The following MYRIP variants were observed in gnomAD, a reference collection of about 807,000 sequenced individuals.
MYRIP encodes myosin VIIA and Rab interacting protein, also known as rab effector MyRIP.
MYRIP carries 49 observed loss-of-function variants against 98.0 expected under a neutral mutation model. That is an observed-to-expected ratio of 0.50 (90% CI 0.40 to 0.63). The LOEUF (loss-of-function observed/expected upper bound fraction) is 0.63, where lower values mean the gene tolerates loss of function less well. Among genes scored for constraint, MYRIP ranks in the 30% least tolerant of loss-of-function variants. The probability of loss-of-function intolerance (pLI) is 0.00; values close to 1 mark genes in which losing one functional copy is unlikely to be tolerated. For synonymous variants in MYRIP, 404 were observed against 409.5 expected, an observed-to-expected ratio of 0.99 and a Z score of 0.16; for missense variants, 1,004 against 1,058.2, an observed-to-expected ratio of 0.95 and a Z score of 0.71.
intron 2 of MYRIP, among the ~76,000 whole-genome samples, chr3:39,997,662 G>C (rs1183266417): frequency 6.6e-6 from 1 of 152,100 alleles, no homozygotes; most frequent in Admixed American, 6.5e-5. Flanking sequence ...GAAAAAGAGG[G>C]AATCCTCCCT....
At chr3:40,065,280 A>G (rs1193439104) in intron 3 of MYRIP, among the ~76,000 whole-genome samples, 1 of 152,152 alleles carries the variant, frequency 6.6e-6, no homozygotes. Context: ...TGACACCCAT[A>G]TTGGACTGGG....
intron 2 of MYRIP, among the ~76,000 whole-genome samples, chr3:39,988,913 T>C (rs1210070380): frequency 6.6e-6 from 1 of 152,028 alleles, no homozygotes; most frequent in East Asian, 1.9e-4. Context: ...GCAGCTCCTG[T>C]AGCCCTCTAT....
At chr3:39,970,598 T>C (rs1945556020) in intron 2 of MYRIP, among the ~76,000 whole-genome samples, 1 of 152,160 alleles carries the variant, frequency 6.6e-6, no homozygotes, top group Admixed American at 6.6e-5. Flanking sequence ...ACTACCCCAG[T>C]TTGAATTCCA....
At chr3:40,108,221 C>T (rs1004593087) in intron 3 of MYRIP, among the ~76,000 whole-genome samples, 1 of 139,034 alleles carries the variant, frequency 7.2e-6, no homozygotes, top group Non-Finnish European at 1.5e-5. Flanking sequence ...GAGGGTGAGT[C>T]GAAGATGGCA....
At chr3:39,951,871 A>G (rs990054230) in intron 2 of MYRIP, among the ~76,000 whole-genome samples, 2 of 152,118 alleles carry the variant, frequency 1.3e-5, no homozygotes, top group Non-Finnish European at 2.9e-5. Flanking sequence ...TTCAGTTGCT[A>G]TGATGTTTTT....
At chr3:39,923,914 T>C (rs2125693431) in intron 2 of MYRIP, among the ~76,000 whole-genome samples, 1 of 152,218 alleles carries the variant, frequency 6.6e-6, no homozygotes, top group Non-Finnish European at 1.5e-5. Context: ...AAAATCATTA[T>C]ACCAGTAGAG....
At chr3:39,833,740 G>A (rs1275128643) in intron 1 of MYRIP, among the ~76,000 whole-genome samples, 3 of 152,092 alleles carry the variant, frequency 2.0e-5, no homozygotes. Flanking sequence ...AAAAACTAGG[G>A]CCAGGCACGG....
intron 3 of MYRIP, among the ~76,000 whole-genome samples, chr3:40,057,235 T>C (rs1012121037): frequency 7.9e-5 from 12 of 152,088 alleles, no homozygotes; most frequent in Non-Finnish European, 1.3e-4. Context: ...AATTAAGATT[T>C]TGGAGAAGCC....
intron 1 of MYRIP, among the ~76,000 whole-genome samples, chr3:39,813,914 TC>T (rs1302100318): frequency 6.6e-6 from 1 of 152,186 alleles, no homozygotes. Flanking sequence ...GTGATTTTTT[TC>T]ACCTAACTTT....
intron 1 of MYRIP, among the ~76,000 whole-genome samples, chr3:39,820,239 G>A (rs1478924424): frequency 6.6e-6 from 1 of 152,210 alleles, no homozygotes; most frequent in Non-Finnish European, 1.5e-5. Flanking sequence ...ACAGTGTCCT[G>A]TGATATGGTT....
chr3:40,042,221 A>T (rs2125830431), intron 2 of MYRIP, among the ~76,000 whole-genome samples: 1 of 150,986 alleles, frequency 6.6e-6, no homozygotes, highest in African/African-American at 2.4e-5. Context: ...AAAGCAGGAT[A>T]CAAAATACTT....
intron 3 of MYRIP, among the ~76,000 whole-genome samples, chr3:40,116,802 G>A (rs763318922): frequency 1.3e-5 from 2 of 152,204 alleles, no homozygotes; most frequent in African/African-American, 4.8e-5. Flanking sequence ...CCCAAAAACC[G>A]TTAAAATGAC....
intron 3 of MYRIP, among the ~76,000 whole-genome samples, chr3:40,143,511 T>G (rs1373389409): frequency 1.3e-5 from 2 of 152,124 alleles, no homozygotes; most frequent in Non-Finnish European, 2.9e-5. Flanking sequence ...ATCAGTAATA[T>G]CAAATGAGGA....
At chr3:40,225,161 G>A (rs938543065) in intron 11 of MYRIP, among the ~76,000 whole-genome samples, 5 of 152,184 alleles carry the variant, frequency 3.3e-5, no homozygotes, top group East Asian at 3.8e-4. Flanking sequence ...TCTGTAATAC[G>A]ACACAGAGGA....
At chr3:40,201,983 C>T (rs1201171012) in intron 10 of MYRIP, among the ~76,000 whole-genome samples, 1 of 152,160 alleles carries the variant, frequency 6.6e-6, no homozygotes, top group Non-Finnish European at 1.5e-5. Context: ...TGCCTCCACC[C>T]TCTGAACAGC....
intron 2 of MYRIP, among the ~76,000 whole-genome samples, chr3:39,950,039 A>G (rs1012857089): frequency 5.9e-5 from 9 of 152,286 alleles, no homozygotes; most frequent in Middle Eastern, 6.8e-3. Context: ...GACAGCATTT[A>G]GTTTGAATGT....
intron 1 of MYRIP, among the ~76,000 whole-genome samples, chr3:39,847,543 T>C (rs114104198): frequency 0.013 from 1,935 of 152,282 alleles, 43 homozygotes; most frequent in African/African-American, 0.043. Context: ...TGCTCCTTGC[T>C]CTCAACAAGT....
chr3:40,194,216 C>T (rs4361223), intron 10 of MYRIP, among the ~76,000 whole-genome samples: 131,482 of 151,656 alleles, frequency 0.87, 57,308 homozygotes, highest in Middle Eastern at 0.95. Context: ...AGTTTAGCCC[C>T]TTAGACCGTC....
chr3:39,895,534 G>A lies in MYRIP; in HGVS notation c.-30-5253G>A, dbSNP rs77530997. 3.2e-4 allele frequency among the ~76,000 whole-genome samples: 48 copies of A among 150,776 alleles called. No homozygotes were observed. The East Asian group carries it at 8.2e-3, about 26-fold the overall frequency. On this transcript the variant is annotated intron_variant, in intron 1 of 16. Transcript: ENST00000302541. ...TTATCCATATATATATTTTTTTTTC[G>A]CTATGTGAAACTTTTTTTGCGGTAA...
Sources: gnomAD v4.1 joint callset for allele counts (sites outside exome capture counted in the v4.1 genomes callset) on GRCh38, gnomAD v4.1.1 for gene constraint, MANE v1.5 for transcripts, NCBI Gene and HGNC (gene_info 2026-07-23, HGNC 2026-07-21) for gene names.